TNNI3K: variants seen among roughly 807,000 people sequenced by gnomAD.
TNNI3K encodes serine/threonine-protein kinase TNNI3K.
In TNNI3K, 140 loss-of-function variants were observed where a neutral mutation model predicts 114.5. The observed-to-expected ratio is 1.22, with a 90% CI of 1.07 to 1.41. TNNI3K has a LOEUF of 1.41. Among genes scored for constraint, TNNI3K ranks in the 40% most tolerant of loss-of-function variants. The pLI is 0.00. For synonymous variants in TNNI3K, 347 were observed against 347.5 expected (o/e 1.00, Z 0.02); for missense variants, 1,125 against 1,007.6 (o/e 1.12, Z -1.58).
At chr1:74,460,183 T>C (rs1416383935) in intron 20 of TNNI3K, among the ~76,000 whole-genome samples, 1 of 151,996 alleles carries the variant, frequency 6.6e-6, no homozygotes, top group Non-Finnish European at 1.5e-5. Flanking sequence ...TGAAGTGATT[T>C]TCCTGCCTCG....
At chr1:74,452,347 T>G (rs1667061859) in intron 20 of TNNI3K, among the ~76,000 whole-genome samples, 1 of 152,208 alleles carries the variant, frequency 6.6e-6, no homozygotes, top group Non-Finnish European at 1.5e-5. Flanking sequence ...TAATACAAGG[T>G]CAAGGCTCCT....
chr1:74,446,871 G>T (rs1171126174), intron 20 of TNNI3K, among the ~76,000 whole-genome samples: 4 of 147,374 alleles, frequency 2.7e-5, no homozygotes, highest in African/African-American at 1.0e-4. Flanking sequence ...CGTTAATTCT[G>T]AGGGCTCTGT....
At chr1:74,248,517 A>G (rs962979588) in intron 2 of TNNI3K, among the ~76,000 whole-genome samples, 2 of 152,222 alleles carry the variant, frequency 1.3e-5, no homozygotes, top group Admixed American at 6.5e-5. Context: ...CTGGCATGTG[A>G]TATGCAATCA....
chr1:74,320,341 C>T (rs1659539739), intron 5 of TNNI3K, among the ~76,000 whole-genome samples: 1 of 152,148 alleles, frequency 6.6e-6, no homozygotes, highest in African/African-American at 2.4e-5. Context: ...TGTTTCATAA[C>T]CAGTTAAACA....
At chr1:74,260,628 A>G (rs1173048759) in intron 4 of TNNI3K, among the ~76,000 whole-genome samples, 1 of 152,108 alleles carries the variant, frequency 6.6e-6, no homozygotes, top group Non-Finnish European at 1.5e-5. Flanking sequence ...ATTAACCATT[A>G]TTGTTGTTGA....
At chr1:74,524,552 C>G (rs922437133) in intron 23 of TNNI3K, among the ~76,000 whole-genome samples, 1 of 152,142 alleles carries the variant, frequency 6.6e-6, no homozygotes, top group South Asian at 2.1e-4. Flanking sequence ...TGGAATGATG[C>G]TCATAAAAGA....
At position 74,429,963 on chromosome 1, in the gene TNNI3K, C is replaced by T. The variant is rs112674737; in HGVS notation, c.1773-6117C>T. On this transcript the variant is annotated intron_variant, in intron 17 of 24. Transcript: ENST00000326637. Reference sequence around the variant, plus strand: ...GGGCTGTCATCTCTTCAAATAAGGACGCTGAGAGGTTGGCCGTGGTGCCCT... The same window carrying T: ...GGGCTGTCATCTCTTCAAATAAGGATGCTGAGAGGTTGGCCGTGGTGCCCT... Among the ~76,000 whole-genome samples the T allele has an allele frequency of 3.4e-3, 510 of 152,170 alleles. 3 individuals carry two copies. The highest frequency in any genetic ancestry group is 9.7e-3 in the African/African-American group (402 of 41,544).
intron 6 of TNNI3K, among the ~76,000 whole-genome samples, chr1:74,331,776 T>C (rs1660218668): frequency 6.6e-6 from 1 of 152,208 alleles, no homozygotes; most frequent in South Asian, 2.1e-4. Flanking sequence ...AAAAGTACAT[T>C]GGTAAGTGTG....
chr1:74,535,833 T>G (rs1646654890), intron 23 of TNNI3K, among the ~76,000 whole-genome samples: 1 of 152,194 alleles, frequency 6.6e-6, no homozygotes. Flanking sequence ...TAACCACTCG[T>G]CATCTGGAAC....
intron 5 of TNNI3K, among the ~76,000 whole-genome samples, chr1:74,291,544 G>A (rs1657678611): frequency 1.3e-5 from 2 of 151,500 alleles, no homozygotes. Flanking sequence ...TTCCAGAAAG[G>A]TTAAATAACT....
At chr1:74,462,045 TGTAAA>T (rs1285356891) in intron 20 of TNNI3K, among the ~76,000 whole-genome samples, 2 of 152,230 alleles carry the variant, frequency 1.3e-5, no homozygotes, top group Non-Finnish European at 2.9e-5. Context: ...AGGTCAATGA[TGTAAA>T]GTATAAGAAA....
intron 4 of TNNI3K, among the ~76,000 whole-genome samples, chr1:74,268,697 C>G (rs1656164656): frequency 6.6e-6 from 1 of 151,786 alleles, no homozygotes; most frequent in Non-Finnish European, 1.5e-5. Context: ...CAGAACTGCT[C>G]CAGTGCACAT....
At chr1:74,250,537 A>T (rs936388871) in intron 3 of TNNI3K, 135 bp from the exon 4 acceptor site, 13 of 671,730 alleles carry the variant, frequency 1.9e-5, no homozygotes, top group Admixed American at 3.9e-5. Context: ...ATTAATAGAA[A>T]ACTTTACAAA....
chr1:74,269,380 T>C (rs1395174347), intron 4 of TNNI3K, among the ~76,000 whole-genome samples: 1 of 151,894 alleles, frequency 6.6e-6, no homozygotes, highest in East Asian at 1.9e-4. Context: ...ACACCAGATA[T>C]GCTCAATCAA....
chr1:74,333,471 C>G (rs1660316766), intron 6 of TNNI3K, among the ~76,000 whole-genome samples: 1 of 152,188 alleles, frequency 6.6e-6, no homozygotes. Context: ...AACCTCATCA[C>G]CCAGCAGAAA....
At chr1:74,474,096 C>G (rs1668067940) in intron 21 of TNNI3K, among the ~76,000 whole-genome samples, 1 of 152,046 alleles carries the variant, frequency 6.6e-6, no homozygotes, top group South Asian at 2.1e-4. Flanking sequence ...TCTGACAAAC[C>G]AGTGTTCTCA....
At chr1:74,254,483 G>A (rs1655153404) in intron 4 of TNNI3K, among the ~76,000 whole-genome samples, 1 of 151,920 alleles carries the variant, frequency 6.6e-6, no homozygotes, top group Admixed American at 6.6e-5. Flanking sequence ...CCCGATCCTT[G>A]TATTTTTTTA....
chr1:74,491,702 AT>A (rs1317067284), intron 22 of TNNI3K, among the ~76,000 whole-genome samples: 3 of 152,236 alleles, frequency 2.0e-5, no homozygotes, highest in Non-Finnish European at 2.9e-5. Flanking sequence ...GAAGGGAATA[AT>A]TTCATGTAAA....
intron 4 of TNNI3K, among the ~76,000 whole-genome samples, chr1:74,268,107 C>T (rs1477158267): frequency 1.3e-5 from 2 of 151,844 alleles, no homozygotes; most frequent in African/African-American, 4.8e-5. Context: ...AACAATTTGT[C>T]AGTTTTATAT....
Sources: gnomAD v4.1 joint callset for allele counts (sites outside exome capture counted in the v4.1 genomes callset) on GRCh38, gnomAD v4.1.1 for gene constraint, MANE v1.5 for transcripts, NCBI Gene and HGNC (gene_info 2026-07-23, HGNC 2026-07-21) for gene names.